The following MAF variants were observed in gnomAD, a reference collection of about 807,000 sequenced individuals.
The protein encoded by MAF is transcription factor Maf.
MAF carries 10 observed loss-of-function variants against 22.0 expected under a neutral mutation model. The observed-to-expected ratio is 0.45, with a 90% confidence interval of 0.28 to 0.77. MAF has a LOEUF of 0.77. MAF is among the 30% of genes least tolerant of loss of function. The pLI is 0.12. For missense variants in MAF, 544 were observed against 548.4 expected (o/e 0.99, Z 0.08); for synonymous variants, 337 against 255.8 (o/e 1.32, Z -3.03).
chr16:79,406,701 A>C, the MAF span, among the ~76,000 whole-genome samples: 8 of 152,196 alleles, frequency 5.3e-5, no homozygotes, highest in African/African-American at 1.9e-4. Flanking sequence ...GTCTATAAGA[A>C]GAGTCAGATC....
At chr16:79,554,590 G>A in the MAF span, among the ~76,000 whole-genome samples, 1 of 152,070 alleles carries the variant, frequency 6.6e-6, no homozygotes, top group Admixed American at 6.6e-5. Context: ...AACAAGTGAG[G>A]GCCCCTTTGT....
At chr16:79,294,531 G>C in the MAF span, among the ~76,000 whole-genome samples, 1 of 152,206 alleles carries the variant, frequency 6.6e-6, no homozygotes, top group East Asian at 1.9e-4. Context: ...AAGCTGTCTT[G>C]GAATTAATTG....
At chr16:79,417,552 T>C in the MAF span, among the ~76,000 whole-genome samples, 84,355 of 151,814 alleles carry the variant, frequency 0.56, 24,165 homozygotes, top group East Asian at 0.9. Flanking sequence ...CTGCACAGGA[T>C]CATGGGAAAG....
At chr16:79,333,479 G>T in the MAF span, among the ~76,000 whole-genome samples, 1 of 152,146 alleles carries the variant, frequency 6.6e-6, no homozygotes, top group Non-Finnish European at 1.5e-5. Flanking sequence ...CCCTGAGGAG[G>T]TGCCCATAGG....
chr16:79,453,850 A>G, the MAF span, among the ~76,000 whole-genome samples: 1 of 152,212 alleles, frequency 6.6e-6, no homozygotes, highest in Non-Finnish European at 1.5e-5. Flanking sequence ...GGACATCTTA[A>G]GAAGATGTGG....
At chr16:79,224,088 G>A in the MAF span, among the ~76,000 whole-genome samples, 10 of 152,182 alleles carry the variant, frequency 6.6e-5, no homozygotes, top group Non-Finnish European at 1.3e-4. Flanking sequence ...TATCCCTGAT[G>A]AACATTGCTG....
At chr16:79,287,667 A>G in the MAF span, among the ~76,000 whole-genome samples, 1 of 152,194 alleles carries the variant, frequency 6.6e-6, no homozygotes, top group African/African-American at 2.4e-5. Flanking sequence ...TTGTTGAGCC[A>G]TTTATTTGCT....
At chr16:79,530,037 G>C in the MAF span, among the ~76,000 whole-genome samples, 1 of 152,124 alleles carries the variant, frequency 6.6e-6, no homozygotes, top group Admixed American at 6.5e-5. Flanking sequence ...AGTGTCAGGA[G>C]AGTAATTTTT....
chr16:79,211,201 G>A, the MAF span, among the ~76,000 whole-genome samples: 1 of 152,164 alleles, frequency 6.6e-6, no homozygotes, highest in East Asian at 1.9e-4. Flanking sequence ...TCAGACAGAA[G>A]GTTCTACAAA....
the MAF span, among the ~76,000 whole-genome samples, chr16:79,402,510 G>GGCCA: frequency 6.6e-6 from 1 of 152,208 alleles, no homozygotes; most frequent in African/African-American, 2.4e-5. Context: ...GAAAACACTG[G>GGCCA]GCCAGTGGGT....
chr16:79,401,345 A>G, the MAF span, among the ~76,000 whole-genome samples: 1 of 152,166 alleles, frequency 6.6e-6, no homozygotes, highest in Non-Finnish European at 1.5e-5. Context: ...TCTCTCATGG[A>G]ACTCTCTCCT....
chr16:79,224,271 C>G, the MAF span, among the ~76,000 whole-genome samples: 1 of 152,204 alleles, frequency 6.6e-6, no homozygotes, highest in Admixed American at 6.5e-5. Flanking sequence ...ACATGATTCT[C>G]GCAATAGATG....
the MAF span, chr16:79,516,004 G>T: frequency 3.5e-5 from 5 of 141,246 alleles, no homozygotes; most frequent in East Asian, 6.3e-4. Context: ...GGTAAATGAG[G>T]ACCAGAGAGA....
At chr16:79,598,584 GTGT>G (rs1913729385) in intron 1 of MAF, 198 bp downstream of exon 1, 4 of 1,011,044 alleles carry the variant, frequency 4.0e-6, no homozygotes, top group East Asian at 4.8e-5. Flanking sequence ...GGTGTGGGGT[GTGT>G]GTGTGTGTGT....
At chr16:79,238,462 G>T in the MAF span, among the ~76,000 whole-genome samples, 1 of 152,020 alleles carries the variant, frequency 6.6e-6, no homozygotes, top group South Asian at 2.1e-4. Flanking sequence ...ACACAGTAAA[G>T]AAAGTGGAAT....
At chr16:79,360,126 A>T in the MAF span, among the ~76,000 whole-genome samples, 1 of 152,272 alleles carries the variant, frequency 6.6e-6, no homozygotes, top group South Asian at 2.1e-4. Context: ...TGAGAGAGCT[A>T]TCATGTCTCA....
At chr16:79,274,449 C>A in the MAF span, among the ~76,000 whole-genome samples, 1 of 152,088 alleles carries the variant, frequency 6.6e-6, no homozygotes, top group Non-Finnish European at 1.5e-5. Context: ...CCCAAGGGGA[C>A]CCCAATGCAA....
chr16:79,433,258 T>A, the MAF span, among the ~76,000 whole-genome samples: 246 of 110,994 alleles, frequency 2.2e-3, 1 homozygote, highest in African/African-American at 7.1e-3. Context: ...TAATGTAAGA[T>A]AAGACAAGTA....
the MAF span, among the ~76,000 whole-genome samples, chr16:79,489,938 A>AG: frequency 6.6e-6 from 1 of 152,116 alleles, no homozygotes; most frequent in Admixed American, 6.5e-5. Flanking sequence ...CCTGAAGAGG[A>AG]GGGCAGGCAC....
Sources: allele counts gnomAD v4.1 joint callset (sites outside exome capture counted in the v4.1 genomes callset), GRCh38; gene constraint gnomAD v4.1.1; transcripts MANE v1.5; gene names NCBI Gene and HGNC (gene_info 2026-07-23, HGNC 2026-07-21).